The following SYNRG variants were observed in gnomAD, a reference collection of about 807,000 sequenced individuals.
SYNRG encodes AP1 gamma subunit binding protein 1.
In SYNRG, 37 loss-of-function variants were observed where a neutral mutation model predicts 130.9. That is an observed-to-expected ratio of 0.28 (90% CI 0.22 to 0.37). The LOEUF is 0.37. SYNRG is among the 10% of genes least tolerant of loss of function. The probability of loss-of-function intolerance (pLI) is 1.00; values close to 1 mark genes in which losing one functional copy is unlikely to be tolerated. For synonymous variants in SYNRG, 539 were observed against 568.1 expected, an observed-to-expected ratio of 0.95 and a Z score of 0.73; for missense variants, 1,338 against 1,588.9, an observed-to-expected ratio of 0.84 and a Z score of 2.68.
At position 37,539,297 on chromosome 17, in the gene SYNRG, T is replaced by C. The variant is rs867876510; in HGVS notation, c.3367-52A>G. The C allele has an allele frequency of 2.0e-5, 31 of 1,574,008 alleles. No homozygotes were observed. The Middle Eastern group carries it at 4.0e-3, about 204-fold the overall frequency. On this transcript the variant is annotated intron_variant, in intron 16 of 21. Coordinates refer to ENST00000612223, the MANE Select transcript of SYNRG (RefSeq NM_007247.6). ...TTAAACACACAAACCTGGAATCTTCTATTGATGACTCTGTCAATTCAAAGT... is the reference window on the plus strand; with the variant it reads ...TTAAACACACAAACCTGGAATCTTCCATTGATGACTCTGTCAATTCAAAGT...
chr17:37,522,687 C>A (rs2055275095), intron 19 of SYNRG, among the ~76,000 whole-genome samples: 2 of 141,300 alleles, frequency 1.4e-5, no homozygotes, highest in Admixed American at 1.5e-4. Context: ...GTAGCCCAGG[C>A]TGGAGTGCAG....
chr17:37,584,963 A>G (rs1161462543), intron 5 of SYNRG, among the ~76,000 whole-genome samples: 1 of 152,248 alleles, frequency 6.6e-6, no homozygotes, highest in Non-Finnish European at 1.5e-5. Flanking sequence ...TACAAGGCCA[A>G]TGTATAAATA....
intron 1 of SYNRG, among the ~76,000 whole-genome samples, chr17:37,603,631 A>G (rs912001986): frequency 6.6e-6 from 1 of 152,220 alleles, no homozygotes; most frequent in Non-Finnish European, 1.5e-5. Context: ...CACATTGTCA[A>G]GAAGCAGTAA....
At chr17:37,578,825 T>A (rs2061062942) in intron 6 of SYNRG, among the ~76,000 whole-genome samples, 1 of 152,198 alleles carries the variant, frequency 6.6e-6, no homozygotes, top group Non-Finnish European at 1.5e-5. Flanking sequence ...TCCTTATTCT[T>A]AAGAAAATGA....
At chr17:37,600,306 C>A in intron 2 of SYNRG, 57 bp downstream of exon 2, 1 of 1,455,506 alleles carries the variant, frequency 6.9e-7, no homozygotes, top group Non-Finnish European at 9.2e-7. Flanking sequence ...ATTTAATTCC[C>A]AGATTCAGAA....
chr17:37,572,143 T>G (rs113651741), intron 8 of SYNRG, among the ~76,000 whole-genome samples, 156 bp from the exon 9 acceptor site: 4 of 152,272 alleles, frequency 2.6e-5, no homozygotes, highest in African/African-American at 2.4e-5. Flanking sequence ...CATATTCAAG[T>G]GCAGCTGGGC....
chr17:37,542,223 T>C lies in SYNRG; in HGVS notation c.2951A>G (p.Asp984Gly). 6.2e-6 allele frequency: 10 copies of C among 1,614,220 alleles called. No individual in the cohort carries two copies. The highest frequency in any genetic ancestry group is 8.5e-6 in the Non-Finnish European group (10 of 1,180,042). ...TSEQKEYENR[D>G]YKDFTKQDLP... ...GTCCTGTTTTGTGAAATCTTTATAG[T>C]CTCTGTTTTCATATTCCTTTTGCTC... The change falls in exon 15 of 22, where the codon GAC (aspartate) becomes GGC (glycine). Residue 984 changes from aspartate (D) to glycine (G), a missense_variant. By Grantham distance (94) the Asp-to-Gly change is moderately conservative. Around this residue, in one of 3 missense-constraint regions of SYNRG, gnomAD observed 1,146 missense variants for 1,342.3 expected, o/e 0.85. Coordinates refer to ENST00000612223, the MANE Select transcript of SYNRG (RefSeq NM_007247.6).
chr17:37,602,928 A>G (rs552557519), intron 1 of SYNRG, among the ~76,000 whole-genome samples: 1 of 151,950 alleles, frequency 6.6e-6, no homozygotes, highest in Non-Finnish European at 1.5e-5. Flanking sequence ...GTAGGCTGAG[A>G]CATGAGCATT....
At chr17:37,594,218 ATTT>A (rs2062497570) in intron 3 of SYNRG, among the ~76,000 whole-genome samples, 1 of 144,506 alleles carries the variant, frequency 6.9e-6, no homozygotes, top group Non-Finnish European at 1.5e-5. Context: ...AATATTAATT[ATTT>A]TAATTATATT....
At chr17:37,572,218 G>A (rs147722027) in intron 8 of SYNRG, among the ~76,000 whole-genome samples, 1,804 of 152,256 alleles carry the variant, frequency 0.012, 30 homozygotes, top group African/African-American at 0.04. Context: ...TCTGAGGTCA[G>A]GAGTTCAAGA....
intron 14 of SYNRG, among the ~76,000 whole-genome samples, chr17:37,548,125 AGCAGTCCTAC>A (rs1304091274): frequency 1.3e-5 from 2 of 152,368 alleles, no homozygotes; most frequent in Admixed American, 1.3e-4. Flanking sequence ...GTTAAAATAA[AGCAGTCCTAC>A]ATGGACCAAT....
At chr17:37,585,515 T>C in intron 4 of SYNRG, 85 bp from the exon 5 acceptor site, 1 of 923,494 alleles carries the variant, frequency 1.1e-6, no homozygotes. Flanking sequence ...GTTTCAGCAA[T>C]ATCATGTTGC....
intron 14 of SYNRG, among the ~76,000 whole-genome samples, chr17:37,552,229 G>A: frequency 6.6e-6 from 1 of 152,042 alleles, no homozygotes; most frequent in East Asian, 1.9e-4. Flanking sequence ...GTGATACTGA[G>A]ATATTTCTCA....
At chr17:37,580,508 T>TGAGAGAGAGAGAGAGAGAGAGAGA (rs1470548930) in intron 6 of SYNRG, among the ~76,000 whole-genome samples, 183 of 133,720 alleles carry the variant, frequency 1.4e-3, no homozygotes, top group African/African-American at 5.7e-3. Context: ...TGTGTGTGTG[T>TGAGAGAGAGAGAGAGAGAGAGAGA]GTGAGAGAGA....
At chr17:37,570,008 C>T (rs1462732842) in intron 10 of SYNRG, among the ~76,000 whole-genome samples, 4 of 152,148 alleles carry the variant, frequency 2.6e-5, no homozygotes, top group Non-Finnish European at 5.9e-5. Context: ...GGATATTTAG[C>T]TATTTCTACT....
intron 19 of SYNRG, among the ~76,000 whole-genome samples, chr17:37,522,157 A>ACACACACACACACAC (rs1568245884): frequency 1.3e-5 from 2 of 151,166 alleles, no homozygotes; most frequent in African/African-American, 2.4e-5. Context: ...ACACACACAC[A>ACACACACACACACAC]ATGGTTAAAA....
intron 5 of SYNRG, 23 bp from the exon 6 acceptor site, chr17:37,584,782 G>GT (rs746263260): frequency 6.4e-7 from 1 of 1,554,696 alleles, no homozygotes; most frequent in African/African-American, 1.4e-5. Flanking sequence ...AAATATATGC[G>GT]TATTTCTTTA....
intron 1 of SYNRG, 147 bp downstream of exon 1, chr17:37,609,132 C>T: frequency 2.1e-6 from 2 of 975,066 alleles, no homozygotes; most frequent in Non-Finnish European, 2.7e-6. Flanking sequence ...ACGCCCCTTT[C>T]GGCCTGGGTC....
At chr17:37,599,323 T>A (rs2063061663) in intron 2 of SYNRG, among the ~76,000 whole-genome samples, 1 of 152,218 alleles carries the variant, frequency 6.6e-6, no homozygotes, top group Non-Finnish European at 1.5e-5. Flanking sequence ...AAAATTATAT[T>A]CCTTCACTAC....
Sources: allele counts gnomAD v4.1 joint callset (sites outside exome capture counted in the v4.1 genomes callset), GRCh38; gene constraint gnomAD v4.1.1; regional missense constraint gnomAD v4.1.1; transcripts MANE v1.5; gene names NCBI Gene and HGNC (gene_info 2026-07-23, HGNC 2026-07-21).